Variants in NTF4 observed in about 807,000 individuals in gnomAD.
The protein encoded by NTF4 is neurotrophin 4.
NTF4 carries 2 observed loss-of-function variants against 4.4 expected under a neutral mutation model. The ratio of observed to expected loss-of-function variants is 0.46; its 90% CI spans 0.19 to 1.44. NTF4 has a LOEUF of 1.44. Among genes scored for constraint, NTF4 ranks in the 40% most tolerant of loss-of-function variants. The pLI, the probability that NTF4 is intolerant of heterozygous loss-of-function variation, is 0.26. For synonymous variants in NTF4, 127 were observed against 122.0 expected (o/e 1.04, Z -0.27); for missense variants, 260 against 293.0 (o/e 0.89, Z 0.82).
At chr19:49,064,342 T>A (rs2040189668), upstream of NTF4, 1 of 153,444 alleles carries the variant, frequency 6.5e-6, no homozygotes, top group Non-Finnish European at 1.5e-5. Context: ...GAGCCCAGGC[T>A]GACCCAACCA....
upstream of NTF4, among the ~76,000 whole-genome samples, chr19:49,063,180 T>C (rs1274795202): frequency 1.3e-5 from 2 of 151,874 alleles, no homozygotes; most frequent in Non-Finnish European, 2.9e-5. Flanking sequence ...CTAATTTTTG[T>C]ATTTTTAATA....
At chr19:49,059,918 G>A (rs376411950), downstream of NTF4, among the ~76,000 whole-genome samples, 33 of 151,268 alleles carry the variant, frequency 2.2e-4, no homozygotes, top group African/African-American at 7.5e-4. Context: ...GCGTGGTGGC[G>A]CACACCTGTA....
chr19:49,064,991 G>C (rs2040199224), upstream of NTF4: 1 of 152,276 alleles, frequency 6.6e-6, no homozygotes, highest in African/African-American at 2.4e-5. Flanking sequence ...CCCTCCGCCC[G>C]GCAGCAGCTC....
downstream of NTF4, chr19:49,058,551 C>T (rs991560191): frequency 1.4e-5 from 7 of 497,766 alleles, no homozygotes; most frequent in Admixed American, 3.7e-5. Context: ...ATCCCCTTTT[C>T]TCAGCCCCCA....
In NTF4 at chr19:49,061,249, A is replaced by T. The variant is rs2040127929; in HGVS notation, c.*116T>A. 2.6e-6 allele frequency: 4 copies of T among 1,536,158 alleles called. No homozygotes were observed. The highest frequency in any genetic ancestry group is 1.4e-5 in the African/African-American group (1 of 73,202). ...TCCTGCAGAGATTGAGCTCAAAATC[A>T]GAGAATTGTGATTTTGTGATTATTT... On this transcript the variant is annotated 3_prime_UTR_variant, in exon 1 of 1. Transcript: ENST00000593537. This position sits in a 1 kb window ranked among gnomAD's most constrained non-coding sequence, Gnocchi z 4.9.
At chr19:49,062,559 C>T (rs1009412842), upstream of NTF4, among the ~76,000 whole-genome samples, 6 of 152,032 alleles carry the variant, frequency 3.9e-5, no homozygotes, top group African/African-American at 4.8e-5. Flanking sequence ...CCGAGATGGG[C>T]GGCTCACCTG....
rs1275979133 is a variant in NTF4, at chr19:49,061,084, A to G, written c.*281T>C. On this transcript the variant is annotated 3_prime_UTR_variant, in exon 1 of 1. Coordinates refer to ENST00000593537, the Ensembl canonical transcript of NTF4. This position sits in a 1 kb window ranked among gnomAD's most constrained non-coding sequence, Gnocchi z 4.9. ...GATCAAATCCATGAGAGTTGATCTGAGGAGTTATGTATTAGGGATAAGAAA... is the reference window on the plus strand; with the variant it reads ...GATCAAATCCATGAGAGTTGATCTGGGGAGTTATGTATTAGGGATAAGAAA... The G allele has an allele frequency of 2.0e-6, 1 of 512,534 alleles. No individual in the cohort carries two copies. Among genetic ancestry groups the G allele is most frequent in the Non-Finnish European group, 3.5e-6 (1 of 288,128 alleles). 31.7% of individuals were successfully genotyped at this position (512,534 alleles called of 1,614,324 possible).
chr19:49,060,190 C>T (rs1178759945), downstream of NTF4, among the ~76,000 whole-genome samples: 3 of 151,946 alleles, frequency 2.0e-5, no homozygotes, highest in East Asian at 5.8e-4. Context: ...CTTACCCCTC[C>T]TCCCCCATTC....
chr19:49,058,395 T>TC, downstream of NTF4: 1 of 879,638 alleles, frequency 1.1e-6, no homozygotes, highest in Middle Eastern at 3.6e-4. Flanking sequence ...GGAGTCCCTA[T>TC]CACCCCCCAC....
rs1176239312 is a variant in NTF4, at chr19:49,061,465, C to T, written c.533G>A (p.Arg178Gln). Residue 178 changes from arginine to glutamine, a missense_variant, in exon 1 of 1, where the codon CGG becomes CAG. By Grantham distance (43) the Arg-to-Gln change is conservative. Transcript: ENST00000593537. The surrounding 1 kb of genome is among the most constrained non-coding windows in gnomAD (Gnocchi z 4.9). ...GCCCTGGGCATCAGCGGTCAATGCC[C>T]GCACATAGGACTGCTTGGCCTTGCA... The T allele has an allele frequency of 1.9e-6, 3 of 1,614,022 alleles. No homozygotes were observed. Among genetic ancestry groups the T allele is most frequent in the Non-Finnish European group, 2.5e-6 (3 of 1,179,904 alleles).
chr19:49,062,638 C>T (rs546731195), upstream of NTF4, among the ~76,000 whole-genome samples: 11 of 151,274 alleles, frequency 7.3e-5, no homozygotes, highest in Non-Finnish European at 1.5e-4. Flanking sequence ...TACAGAATTA[C>T]CCGGGTGTGG....
rs771706948 is a variant in NTF4 at position 49,061,657 on chromosome 19, C to T, written c.341G>A (p.Arg114His). ...GCCCAACACCTCCACCTCGCGCCCA[C>T]GCAAGTCCACAGCGGTCCGGCGGTC... Residue 114 changes from arginine (R) to histidine (H), a missense_variant, in exon 1 of 1, where the codon CGT becomes CAT. Physicochemically the swap from Arg to His is conservative, Grantham distance 29. Coordinates refer to ENST00000593537, the Ensembl canonical transcript of NTF4. This position sits in a 1 kb window ranked among gnomAD's most constrained non-coding sequence, Gnocchi z 4.9. 2.4e-5 allele frequency: 38 copies of T among 1,613,542 alleles called. No individual in the cohort carries two copies. Among genetic ancestry groups the T allele is most frequent in the Non-Finnish European group, 2.8e-5 (33 of 1,179,980 alleles).
chr19:49,059,224 T>C (rs1468590755), downstream of NTF4, among the ~76,000 whole-genome samples: 5 of 152,156 alleles, frequency 3.3e-5, no homozygotes, highest in East Asian at 9.7e-4. Context: ...TCCCCGGGGC[T>C]CCCCAACCCT....
downstream of NTF4, chr19:49,058,629 G>T (rs2040095759): frequency 2.5e-6 from 1 of 393,796 alleles, no homozygotes; most frequent in Non-Finnish European, 4.5e-6. Context: ...GTGGGCGGGG[G>T]GAAGGGTACG....
chr19:49,061,273 T>C lies in NTF4; in HGVS notation c.*92A>G, dbSNP rs2040128309. ...CAGAGAATTGTGATTTTGTGATTATTTGATGAGTTCCCAAACTGGGGTCCT... is the reference window on the plus strand; with the variant it reads ...CAGAGAATTGTGATTTTGTGATTATCTGATGAGTTCCCAAACTGGGGTCCT... On this transcript the variant is annotated 3_prime_UTR_variant, in exon 1 of 1. Transcript: ENST00000593537. This position sits in a 1 kb window ranked among gnomAD's most constrained non-coding sequence, Gnocchi z 4.9. 2 of 1,576,878 alleles carry C rather than the reference T, an allele frequency of 1.3e-6. No homozygotes were observed. The highest frequency in any genetic ancestry group is 8.6e-7 in the Non-Finnish European group (1 of 1,166,282).
upstream of NTF4, chr19:49,063,611 T>C (rs899454331): frequency 2.6e-5 from 4 of 152,140 alleles, no homozygotes; most frequent in African/African-American, 9.7e-5. Context: ...GTGTGTGAAA[T>C]TGACCTGGCG....
upstream of NTF4, among the ~76,000 whole-genome samples, chr19:49,062,264 G>A (rs1175102061): frequency 6.6e-6 from 1 of 152,048 alleles, no homozygotes; most frequent in East Asian, 1.9e-4. Flanking sequence ...GAGGCAGGTG[G>A]ATGACTTGAG....
At chr19:49,062,208 C>T (rs2040160736), upstream of NTF4, among the ~76,000 whole-genome samples, 1 of 152,212 alleles carries the variant, frequency 6.6e-6, no homozygotes, top group East Asian at 1.9e-4. Context: ...CTACTACAGG[C>T]CAGGCACTGT....
At chr19:49,058,545 C>G (rs1000373517), downstream of NTF4, 8 of 503,428 alleles carry the variant, frequency 1.6e-5, no homozygotes, top group Admixed American at 3.7e-5. Flanking sequence ...CTCCCAATCC[C>G]CTTTTCTCAG....
Sources: gnomAD v4.1 joint callset for allele counts (sites outside exome capture counted in the v4.1 genomes callset) on GRCh38, gnomAD v4.1.1 for gene constraint, Gnocchi (gnomAD v3.1) non-coding constraint, MANE v1.5 for transcripts, NCBI Gene and HGNC (gene_info 2026-07-23, HGNC 2026-07-21) for gene names.